The following FBLN1 variants were observed in gnomAD, a reference collection of about 807,000 sequenced individuals.
FBLN1 encodes fibulin 1.
FBLN1 carries 34 observed loss-of-function variants against 89.7 expected under a neutral mutation model. The observed-to-expected ratio is 0.38, with a 90% CI of 0.29 to 0.50. The LOEUF is 0.50. Ranked by LOEUF, FBLN1 falls within the 20% of genes least tolerant of loss-of-function variation. The pLI, the probability that FBLN1 is intolerant of heterozygous loss-of-function variation, is 0.92. For synonymous variants in FBLN1, 393 were observed against 391.3 expected, an observed-to-expected ratio of 1.00 and a Z score of -0.05; for missense variants, 777 against 988.1, an observed-to-expected ratio of 0.79 and a Z score of 2.86.
rs1401140982 is a variant in FBLN1 at position 45,588,692 on chromosome 22, G to C, written c.1972+11584G>C. Among the ~76,000 whole-genome samples the C allele has an allele frequency of 1.3e-5, 2 of 152,110 alleles. No individual in the cohort carries two copies. Among genetic ancestry groups the C allele is most frequent in the African/African-American group, 4.8e-5 (2 of 41,390 alleles). ...GCAGGAATGATTTGTGACCCTCTTA[G>C]GCTGCTGGTCTGCACCTTCTGAAAA... On this transcript the variant is annotated intron_variant, in intron 16 of 16. Transcript: ENST00000327858. This position sits in a 1 kb window ranked among gnomAD's most constrained non-coding sequence, Gnocchi z 5.1.
chr22:45,535,074 T>C (rs983007443), intron 7 of FBLN1, 126 bp from the exon 8 acceptor site: 120 of 1,095,980 alleles, frequency 1.1e-4, no homozygotes, highest in Non-Finnish European at 6.2e-5. Context: ...ATTTCTCTAT[T>C]AGAATGTTTT....
chr22:45,581,941 G>T lies in FBLN1; in HGVS notation c.1972+4833G>T, dbSNP rs1042618210. ...GGGGCTGCAGGGCCAGGCCTTGGTG[G>T]ATGCTGTCCTGGGGACCACGGGAGC... On this transcript the variant is annotated intron_variant, in intron 16 of 16. Coordinates refer to ENST00000327858, the MANE Select transcript of FBLN1 (RefSeq NM_006486.3). This position sits in a 1 kb window ranked among gnomAD's most constrained non-coding sequence, Gnocchi z 7.6. Among the ~76,000 whole-genome samples, 4 of 152,154 alleles carry T rather than the reference G, an allele frequency of 2.6e-5. No homozygotes were observed. The highest frequency in any genetic ancestry group is 7.2e-5 in the African/African-American group (3 of 41,456).
intron 16 of FBLN1, among the ~76,000 whole-genome samples, chr22:45,591,541 T>A (rs976787812): frequency 2.0e-5 from 3 of 152,096 alleles, no homozygotes; most frequent in African/African-American, 4.8e-5. Context: ...GAAATACGGA[T>A]GATGAGTTTT....
At position 45,536,641 on chromosome 22, in the gene FBLN1, T is replaced by G. The variant is rs550503907; in HGVS notation, c.922+1304T>G. Among the ~76,000 whole-genome samples, 2 of 152,146 alleles carry G rather than the reference T, an allele frequency of 1.3e-5. No homozygotes were observed. The highest frequency in any genetic ancestry group is 3.9e-4 in the East Asian group (2 of 5,180). ...TTAGCTGGGCGTAGTGATGGGCGCC[T>G]GTAATCCCAGCTGCTTAGGAGGCTG... On this transcript the variant is annotated intron_variant, in intron 8 of 16. Coordinates refer to ENST00000327858, the MANE Select transcript of FBLN1 (RefSeq NM_006486.3). The surrounding 1 kb of genome is among the most constrained non-coding windows in gnomAD (Gnocchi z 5.1).
Position 45,574,596 on chromosome 22 carries a change from A to G in FBLN1, c.1783A>G (p.Thr595Ala). Residue 595 changes from threonine to alanine, a missense_variant, in exon 15 of 17, where the codon ACC (threonine) becomes GCC (alanine). Transcript: ENST00000327858. The surrounding 1 kb of genome is among the most constrained non-coding windows in gnomAD (Gnocchi z 4.1). ...CACATGCGTGTTCGACCCCGTGCAC[A>G]CCATCTCCCACACCGTCATCTCGCT... Reference protein sequence around the residue: ...DVTCVFDPVHTISHTVISLPT... With the variant: ...DVTCVFDPVHAISHTVISLPT... The G allele has an allele frequency of 6.2e-7, 1 of 1,614,098 alleles. No homozygotes were observed. The highest frequency in any genetic ancestry group is 8.5e-7 in the Non-Finnish European group (1 of 1,180,006).
At position 45,576,041 on chromosome 22, in the gene FBLN1, G is replaced by C. The variant is rs1264409783; in HGVS notation, c.1841-936G>C. Among the ~76,000 whole-genome samples, 1 of 152,170 alleles carries C rather than the reference G, an allele frequency of 6.6e-6. No homozygotes were observed. The highest frequency in any genetic ancestry group is 6.5e-5 in the Admixed American group (1 of 15,278). On this transcript the variant is annotated intron_variant, in intron 15 of 16. Transcript: ENST00000327858. The surrounding 1 kb of genome is among the most constrained non-coding windows in gnomAD (Gnocchi z 5.2). ...TTACACCATGACACAACCATGCGGG[G>C]GGGTGGGGGGAGGAGAGGCTCCCTC...
chr22:45,533,987 G>T (rs1208900845), intron 7 of FBLN1, 89 bp downstream of exon 7: 7 of 1,558,966 alleles, frequency 4.5e-6, no homozygotes, highest in Non-Finnish European at 6.1e-6. Context: ...CTGGGCTCCC[G>T]CAGTCCTGCG....
At chr22:45,593,797 C>T (rs1315399999) in intron 16 of FBLN1, among the ~76,000 whole-genome samples, 2 of 152,238 alleles carry the variant, frequency 1.3e-5, no homozygotes, top group African/African-American at 2.4e-5. Flanking sequence ...CTTCTTCCTT[C>T]TCTCCTTCCT....
intron 16 of FBLN1, among the ~76,000 whole-genome samples, chr22:45,582,515 C>T (rs958802099): frequency 6.6e-6 from 1 of 152,230 alleles, no homozygotes; most frequent in African/African-American, 2.4e-5. Flanking sequence ...GGCGACCCAT[C>T]ATGCTGCTCC....
intron 2 of FBLN1, among the ~76,000 whole-genome samples, chr22:45,521,022 G>A (rs566382239): frequency 8.7e-4 from 132 of 152,126 alleles, no homozygotes; most frequent in African/African-American, 2.9e-3. Flanking sequence ...CACCGTGTTG[G>A]CCAGGCTGGT....
intron 8 of FBLN1, among the ~76,000 whole-genome samples, chr22:45,538,056 TGAGGCTCGG>T (rs2088505808): frequency 6.6e-6 from 1 of 152,230 alleles, no homozygotes; most frequent in Non-Finnish European, 1.5e-5. Flanking sequence ...GTGTATGGGC[TGAGGCTCGG>T]GAGCCGTCCC....
rs967407475 is a variant in FBLN1 at position 45,525,391 on chromosome 22, G to A, written c.186-152G>A. 1.1e-5 allele frequency: 8 copies of A among 716,946 alleles called. No homozygotes were observed. In the Admixed American group the frequency reaches 1.2e-4, roughly 11 times the overall value. The allele number at this position is 716,946 out of a possible 1,614,324, so 44.4% of individuals were successfully genotyped here. A position where few individuals can be genotyped will look rare whatever the true frequency, so the allele number is the denominator to read the frequency against. ...ACTAAATGCTAATTGAGCTCCTTCT[G>A]TATGCCACTGGGGCACTGTGTATTT... On this transcript the variant is annotated intron_variant, in intron 2 of 16. Coordinates refer to ENST00000327858, the MANE Select transcript of FBLN1 (RefSeq NM_006486.3).
rs1272552824 is a variant in FBLN1, at chr22:45,596,161, G to GCA, written c.1973-4145_1973-4144insAC. On this transcript the variant is annotated intron_variant, in intron 16 of 16. Transcript: ENST00000327858. ...CGGGATCACAGGCGTGAGCCACTAC[G>GCA]CCCGGCCAAAGGTTGCTGTTTTTAA... is the stretch of plus-strand genomic sequence containing the variant. Among the ~76,000 whole-genome samples, 11 of 152,344 alleles carry GCA rather than the reference G, an allele frequency of 7.2e-5. 1 individual carries two copies. In the East Asian group the frequency reaches 1.9e-3, roughly 27 times the overall value.
In FBLN1 at chr22:45,575,051, G is replaced by T. The variant is rs1309680290; in HGVS notation, c.1840+398G>T. Reference sequence around the variant, plus strand: ...CCCGCCTCAGCCTCCCAAAGTGCTGGGATTACAGGCGTGAGCCACCGCGCC... The same window carrying T: ...CCCGCCTCAGCCTCCCAAAGTGCTGTGATTACAGGCGTGAGCCACCGCGCC... On this transcript the variant is annotated intron_variant, in intron 15 of 16. Transcript: ENST00000327858. The surrounding 1 kb of genome is among the most constrained non-coding windows in gnomAD (Gnocchi z 6.3). 6.6e-6 allele frequency among the ~76,000 whole-genome samples: 1 copy of T among 152,058 alleles called. No homozygotes were observed. Among genetic ancestry groups the T allele is most frequent in the Admixed American group, 6.5e-5 (1 of 15,272 alleles).
rs1602190751 is a variant in FBLN1 at position 45,541,247 on chromosome 22, G to A, written c.941G>A (p.Ser314Asn). Residue 314 changes from serine (S) to asparagine (N), a missense_variant, in exon 9 of 17, where the codon AGT becomes AAT. Transcript: ENST00000327858. ...GNCIDINECL[S>N]ISAPCPIGHT... is the part of the protein sequence containing the mutation. ...GCTGTAGATATCAATGAGTGTTTGA[G>A]TATCAGTGCCCCGTGCCCTATCGGG... The A allele has an allele frequency of 4.3e-6, 7 of 1,614,230 alleles. No homozygotes were observed. The highest frequency in any genetic ancestry group is 5.1e-6 in the Non-Finnish European group (6 of 1,180,034).
intron 16 of FBLN1, among the ~76,000 whole-genome samples, chr22:45,585,841 G>A (rs1019967159): frequency 3.9e-5 from 6 of 152,132 alleles, no homozygotes; most frequent in African/African-American, 1.4e-4. Flanking sequence ...GGGCTCTGAG[G>A]CATCAGAGCC....
intron 16 of FBLN1, among the ~76,000 whole-genome samples, chr22:45,599,725 C>T (rs2089215199): frequency 6.6e-6 from 1 of 152,052 alleles, no homozygotes; most frequent in Admixed American, 6.5e-5. Context: ...TGAGACTAGC[C>T]TGATCAACAT....
At chr22:45,569,642 A>AAAGAAGAAGAAGAAGAAGAAG (rs56907104) in intron 14 of FBLN1, among the ~76,000 whole-genome samples, 19 of 149,858 alleles carry the variant, frequency 1.3e-4, no homozygotes, top group African/African-American at 1.7e-4. Context: ...CTGTCTCAAA[A>AAAGAAGAAGAAGAAGAAGAAG]AAGAAGAAGA....
At chr22:45,548,466 C>T (rs191938390) in intron 12 of FBLN1, 147 bp from the exon 13 acceptor site, 48 of 1,066,382 alleles carry the variant, frequency 4.5e-5, no homozygotes, top group Non-Finnish European at 6.1e-5. Flanking sequence ...TCTCTGAGCA[C>T]GATGGTCTCT....
Sources: gnomAD v4.1 joint callset for allele counts (sites outside exome capture counted in the v4.1 genomes callset) on GRCh38, gnomAD v4.1.1 for gene constraint, Gnocchi (gnomAD v3.1) non-coding constraint, MANE v1.5 for transcripts, NCBI Gene and HGNC (gene_info 2026-07-23, HGNC 2026-07-21) for gene names.